The following SLC9A9 variants were observed in gnomAD, a reference collection of about 807,000 sequenced individuals.
The protein encoded by SLC9A9 is sodium/hydrogen exchanger 9.
In SLC9A9, 62 loss-of-function variants were observed where a neutral mutation model predicts 77.8. That is an observed-to-expected ratio of 0.80 (90% CI 0.65 to 0.98). The LOEUF is 0.98. Among genes scored for constraint, SLC9A9 ranks in the 50% least tolerant of loss-of-function variants. The pLI is 0.00. For missense variants in SLC9A9, 775 were observed against 774.9 expected (o/e 1.00, Z 0.00); for synonymous variants, 320 against 283.5 (o/e 1.13, Z -1.29).
At chr3:143,367,489 A>G (rs757930890) in intron 13 of SLC9A9, among the ~76,000 whole-genome samples, 2 of 152,192 alleles carry the variant, frequency 1.3e-5, no homozygotes, top group Admixed American at 6.5e-5. Flanking sequence ...GTTACTGATG[A>G]CTTAATAACT....
At chr3:143,641,325 G>A (rs1007526128) in intron 6 of SLC9A9, among the ~76,000 whole-genome samples, 29 of 148,862 alleles carry the variant, frequency 1.9e-4, no homozygotes, top group African/African-American at 6.6e-4. Flanking sequence ...TGTCATAGCA[G>A]ATATAAATTG....
At chr3:143,616,542 T>G (rs1486843091) in intron 6 of SLC9A9, among the ~76,000 whole-genome samples, 1 of 152,200 alleles carries the variant, frequency 6.6e-6, no homozygotes, top group Non-Finnish European at 1.5e-5. Flanking sequence ...CAGTCTATGC[T>G]GCTTAAAATG....
chr3:143,562,868 G>T (rs184111383), intron 8 of SLC9A9, among the ~76,000 whole-genome samples: 3 of 151,566 alleles, frequency 2.0e-5, no homozygotes, highest in East Asian at 3.9e-4. Context: ...ATGCGGAGTG[G>T]GTCATGCTCA....
intron 6 of SLC9A9, among the ~76,000 whole-genome samples, chr3:143,635,984 A>G (rs2038514016): frequency 6.6e-6 from 1 of 152,166 alleles, no homozygotes; most frequent in Non-Finnish European, 1.5e-5. Context: ...CTAGTAGAAT[A>G]AAACTATTTT....
chr3:143,697,437 T>C (rs1408612199), intron 4 of SLC9A9, among the ~76,000 whole-genome samples: 1 of 152,144 alleles, frequency 6.6e-6, no homozygotes, highest in Admixed American at 6.5e-5. Flanking sequence ...CATTAGTGAG[T>C]GCTATTATGG....
chr3:143,653,826 C>A (rs1438769823), intron 5 of SLC9A9, among the ~76,000 whole-genome samples: 1 of 152,146 alleles, frequency 6.6e-6, no homozygotes, highest in Non-Finnish European at 1.5e-5. Flanking sequence ...TCTAATAGAC[C>A]AATGACCACT....
chr3:143,762,205 G>A (rs1031774067), intron 4 of SLC9A9, among the ~76,000 whole-genome samples: 9 of 152,108 alleles, frequency 5.9e-5, no homozygotes, highest in African/African-American at 2.2e-4. Context: ...GTTGGGGGAG[G>A]GGGAAGGGAT....
intron 14 of SLC9A9, among the ~76,000 whole-genome samples, chr3:143,306,301 C>T (rs530636218): frequency 2.0e-5 from 3 of 152,218 alleles, no homozygotes; most frequent in South Asian, 2.1e-4. Flanking sequence ...CCTGCCACCA[C>T]AGGCTCGCCT....
In SLC9A9 at chr3:143,344,781, A is replaced by G. The variant is rs570589280; in HGVS notation, c.1604+18703T>C. 8.5e-5 allele frequency among the ~76,000 whole-genome samples: 13 copies of G among 152,282 alleles called. No homozygotes were observed. In the East Asian group the frequency reaches 2.3e-3, roughly 27 times the overall value. On this transcript the variant is annotated intron_variant, in intron 14 of 15. Coordinates refer to ENST00000316549, the MANE Select transcript of SLC9A9 (RefSeq NM_173653.4). The stretch of plus-strand genomic sequence containing the variant: ...CTGGCATGTAATTGTTTTTTTCAAA[A>G]AAGACTTGACCCTGTGCAGTATTTT...
Position 143,652,308 on chromosome 3 carries a change from T to G in SLC9A9, c.702A>C (p.Thr234=), listed in dbSNP as rs548486307. The part of the protein sequence containing the change: ...HELHVDPDLY[T]LLFGESVLND... ...TCAACACACTCTCTCCAAACAAGAG[T>G]GTGTACAGGTCAGGGTCGACGTGCA... The change falls in exon 6 of 16, where the codon ACA becomes ACC. Residue 234 remains threonine, a synonymous_variant. Transcript: ENST00000316549. 5 of 1,613,256 alleles carry G rather than the reference T, an allele frequency of 3.1e-6. No homozygotes were observed. In the East Asian group the frequency reaches 1.1e-4, roughly 36 times the overall value.
At position 143,467,169 on chromosome 3, in the gene SLC9A9, A is replaced by G; in HGVS notation, c.1337T>C (p.Phe446Ser). 1 of 1,614,216 alleles carries G rather than the reference A, an allele frequency of 6.2e-7. No individual in the cohort carries two copies. Among genetic ancestry groups the G allele is most frequent in the Non-Finnish European group, 8.5e-7 (1 of 1,180,022 alleles). The change falls in exon 12 of 16, where the codon TTT (phenylalanine) becomes TCT (serine). Residue 446 changes from phenylalanine (F) to serine (S), a missense_variant. Phe to Ser is a radical substitution (Grantham distance 155, BLOSUM62 -2). Coordinates refer to ENST00000316549, the MANE Select transcript of SLC9A9 (RefSeq NM_173653.4). ...TTCTGTGTTCCGAATAGCTAAGGCAAATGCGATCGCTCCTCGCAAACCTTG... is the reference window on the plus strand; with the variant it reads ...TTCTGTGTTCCGAATAGCTAAGGCAGATGCGATCGCTCCTCGCAAACCTTG... ...MFSGLRGAIA[F>S]ALAIRNTESQ... is the part of the protein sequence containing the mutation.
At chr3:143,500,428 T>C (rs888267939) in intron 9 of SLC9A9, among the ~76,000 whole-genome samples, 1 of 152,210 alleles carries the variant, frequency 6.6e-6, no homozygotes, top group Non-Finnish European at 1.5e-5. Context: ...GATTTTTCTG[T>C]ATGGCACCCT....
intron 11 of SLC9A9, among the ~76,000 whole-genome samples, chr3:143,485,927 A>T (rs1396287631): frequency 6.6e-6 from 1 of 152,138 alleles, no homozygotes; most frequent in Non-Finnish European, 1.5e-5. Context: ...AGAGACATGA[A>T]TATAAACACC....
intron 9 of SLC9A9, among the ~76,000 whole-genome samples, chr3:143,510,853 A>G (rs1001574230): frequency 1.2e-4 from 18 of 152,040 alleles, no homozygotes; most frequent in African/African-American, 4.1e-4. Flanking sequence ...ACACACTGGA[A>G]TATCCCCTCA....
chr3:143,696,800 T>C (rs982826353), intron 4 of SLC9A9, among the ~76,000 whole-genome samples: 8 of 152,256 alleles, frequency 5.3e-5, no homozygotes, highest in Non-Finnish European at 8.8e-5. Flanking sequence ...AAAAAATATA[T>C]GTATATATAC....
At chr3:143,797,220 G>A (rs1224724275) in intron 2 of SLC9A9, among the ~76,000 whole-genome samples, 1 of 50,144 alleles carries the variant, frequency 2.0e-5, no homozygotes, top group Non-Finnish European at 3.6e-5. Flanking sequence ...CTTCTTACAA[G>A]GATTTATTTA....
At chr3:143,301,531 A>C (rs1424403353) in intron 14 of SLC9A9, among the ~76,000 whole-genome samples, 1 of 152,228 alleles carries the variant, frequency 6.6e-6, no homozygotes, top group Non-Finnish European at 1.5e-5. Context: ...TTCAGTAGGC[A>C]AGAGTAGAAT....
chr3:143,324,096 C>T lies in SLC9A9; in HGVS notation c.1604+39388G>A, dbSNP rs375319727. Among the ~76,000 whole-genome samples the T allele has an allele frequency of 3.2e-3, 494 of 152,140 alleles. 5 individuals carry two copies. The highest frequency in any genetic ancestry group is 0.011 in the African/African-American group (465 of 41,502). ...CCCCTGAGAAGAGGCAGCTGCTTTT[C>T]GCTATTATCAGAATCACCACTCTCC... On this transcript the variant is annotated intron_variant, in intron 14 of 15. Coordinates refer to ENST00000316549, the MANE Select transcript of SLC9A9 (RefSeq NM_173653.4).
chr3:143,429,587 T>C (rs541248066), intron 12 of SLC9A9, among the ~76,000 whole-genome samples: 1 of 152,216 alleles, frequency 6.6e-6, no homozygotes, highest in Non-Finnish European at 1.5e-5. Flanking sequence ...ACCAGACATG[T>C]CTCTGCTCTC....
Sources: gnomAD v4.1 joint callset for allele counts (sites outside exome capture counted in the v4.1 genomes callset) on GRCh38, gnomAD v4.1.1 for gene constraint, MANE v1.5 for transcripts, NCBI Gene and HGNC (gene_info 2026-07-23, HGNC 2026-07-21) for gene names.